The following EED variants were observed in gnomAD, a reference collection of about 807,000 sequenced individuals.
EED encodes the protein embryonic ectoderm development, also known as polycomb protein EED.
In EED, 9 loss-of-function variants were observed where a neutral mutation model predicts 61.0. That is an observed-to-expected ratio of 0.15 (90% CI 0.09 to 0.26). The LOEUF (loss-of-function observed/expected upper bound fraction) is 0.26. EED is among the 10% of genes least tolerant of loss of function. The probability of loss-of-function intolerance (pLI) is 1.00; values close to 1 mark genes in which losing one functional copy is unlikely to be tolerated. For missense variants in EED, 315 were observed against 542.3 expected, an observed-to-expected ratio of 0.58 and a Z score of 4.16; for synonymous variants, 187 against 174.4, an observed-to-expected ratio of 1.07 and a Z score of -0.57.
At chr11:86,279,029 CAGTT>C (rs1051388577), downstream of EED, among the ~76,000 whole-genome samples, 11 of 152,242 alleles carry the variant, frequency 7.2e-5, no homozygotes, top group South Asian at 2.1e-4. Context: ...ATGTGTGAGA[CAGTT>C]AGAACAGTAT....
Position 86,266,148 on chromosome 11 carries a change from G to A in EED, c.792G>A (p.Arg264=). ...CGMDHSLKLW[R]INSKRMMNAI... ...TGGATCATTCTCTTAAACTTTGGAG[G>A]ATCAATTCAAAGAGAATGATGAATG... The change falls in exon 8 of 12, where the codon AGG becomes AGA. Residue 264 remains arginine, a synonymous_variant. Coordinates refer to ENST00000263360, the MANE Select transcript of EED (RefSeq NM_003797.5). 1 of 1,603,916 alleles carries A rather than the reference G, an allele frequency of 6.2e-7. No individual in the cohort carries two copies. The highest frequency in any genetic ancestry group is 2.2e-5 in the East Asian group (1 of 44,506).
chr11:86,255,403 T>C, intron 4 of EED, 116 bp downstream of exon 4: 1 of 794,648 alleles, frequency 1.3e-6, no homozygotes. Context: ...CTTAACCGAT[T>C]TCTTCACTAT....
intron 9 of EED, among the ~76,000 whole-genome samples, chr11:86,269,663 CAATAT>C (rs1946065054): frequency 6.6e-6 from 1 of 152,244 alleles, no homozygotes; most frequent in Non-Finnish European, 1.5e-5. Flanking sequence ...AACTGTAATA[CAATAT>C]CAAATCCAGA....
intron 6 of EED, among the ~76,000 whole-genome samples, chr11:86,263,534 T>C (rs989512623): frequency 6.6e-6 from 1 of 152,230 alleles, no homozygotes; most frequent in African/African-American, 2.4e-5. Flanking sequence ...TTTCTATTGC[T>C]CAGGCTTCAC....
chr11:86,248,559 C>A (rs1179107314), intron 1 of EED, among the ~76,000 whole-genome samples: 2 of 151,950 alleles, frequency 1.3e-5, no homozygotes, highest in African/African-American at 4.8e-5. Context: ...AATGGTTAAC[C>A]CGCAAAATCA....
At chr11:86,266,360 A>G in intron 8 of EED, 144 bp downstream of exon 8, 1 of 644,192 alleles carries the variant, frequency 1.6e-6, no homozygotes, top group Non-Finnish European at 2.4e-6. Flanking sequence ...CATACTGTAA[A>G]ATTCACCCCT....
downstream of EED, among the ~76,000 whole-genome samples, chr11:86,282,184 T>G (rs1470326257): frequency 6.6e-6 from 1 of 152,212 alleles, no homozygotes; most frequent in Non-Finnish European, 1.5e-5. Flanking sequence ...AAAATATCAA[T>G]ACCATGCTCA....
chr11:86,284,887 G>A, the EED span, among the ~76,000 whole-genome samples: 6 of 152,208 alleles, frequency 3.9e-5, 1 homozygote, highest in East Asian at 3.9e-4. Context: ...TGAGGTGGGC[G>A]GATCATCTGA....
intron 11 of EED, 31 bp from the exon 12 acceptor site, chr11:86,278,367 GT>G: frequency 6.2e-7 from 1 of 1,607,068 alleles, no homozygotes; most frequent in Non-Finnish European, 8.5e-7. Flanking sequence ...GTTATGTGTG[GT>G]CTTTAACCTG....
Position 86,260,511 on chromosome 11 carries a change from G to A in EED, c.634+2915G>A, listed in dbSNP as rs1039849905. ...CCCAAAGTGCTGGGATTACAGGTGTGAGCTACTGCTGTACATTCTTTATTA... is the reference window on the plus strand; with the variant it reads ...CCCAAAGTGCTGGGATTACAGGTGTAAGCTACTGCTGTACATTCTTTATTA... On this transcript the variant is annotated intron_variant, in intron 6 of 11. Transcript: ENST00000263360. Among the ~76,000 whole-genome samples the A allele has an allele frequency of 3.6e-5, 3 of 83,392 alleles. No homozygotes were observed. In the East Asian group the frequency reaches 1.0e-3, roughly 29 times the overall value. 54.7% of individuals were successfully genotyped at this position (83,392 alleles called of 152,430 possible). A position where few individuals can be genotyped will look rare whatever the true frequency, so the allele number is the denominator to read the frequency against.
intron 9 of EED, chr11:86,276,476 C>T (rs1946232938): frequency 6.6e-6 from 1 of 152,164 alleles, no homozygotes; most frequent in African/African-American, 2.4e-5. Flanking sequence ...TACTGTGTGG[C>T]ACAGATACTG....
intron 9 of EED, among the ~76,000 whole-genome samples, chr11:86,271,057 G>C (rs898800912): frequency 2.6e-5 from 4 of 151,806 alleles, no homozygotes; most frequent in African/African-American, 9.7e-5. Flanking sequence ...TAAAAATCTT[G>C]CTGGGAGTTG....
chr11:86,278,787 A>G lies in EED; in HGVS notation c.*262A>G. 3.1e-6 allele frequency: 1 copy of G among 320,384 alleles called. No homozygotes were observed. The highest frequency in any genetic ancestry group is 5.6e-6 in the Non-Finnish European group (1 of 179,230). The allele number at this position is 320,384 out of a possible 1,614,324, so 19.8% of individuals were successfully genotyped here. The stretch of plus-strand genomic sequence containing the variant: ...TTGTGGTGAAAAAAAGTTAAAAGTA[A>G]TAAAATTATGCCTTATCTTTTTATA... On this transcript the variant is annotated 3_prime_UTR_variant, in exon 12 of 12. Transcript: ENST00000263360.
At chr11:86,253,126 A>G (rs1945577396) in intron 3 of EED, among the ~76,000 whole-genome samples, 1 of 152,170 alleles carries the variant, frequency 6.6e-6, no homozygotes, top group African/African-American at 2.4e-5. Context: ...GAAACTCTAA[A>G]TATTTTTAAG....
downstream of EED, among the ~76,000 whole-genome samples, chr11:86,281,935 T>C (rs937218331): frequency 1.3e-5 from 2 of 152,258 alleles, no homozygotes; most frequent in African/African-American, 4.8e-5. Flanking sequence ...ATGTTGAGTA[T>C]TATGTTTCCG....
intron 3 of EED, 21 bp from the exon 4 acceptor site, chr11:86,255,201 C>A: frequency 1.3e-6 from 2 of 1,576,002 alleles, no homozygotes; most frequent in Non-Finnish European, 1.7e-6. Flanking sequence ...ATGAAATTTA[C>A]TGTATTTTTA....
chr11:86,282,195 C>T (rs114625849), downstream of EED, among the ~76,000 whole-genome samples: 237 of 152,224 alleles, frequency 1.6e-3, no homozygotes, highest in African/African-American at 5.5e-3. Flanking sequence ...ACCATGCTCA[C>T]CCTTTAAAAA....
At chr11:86,287,305 C>T in the EED span, among the ~76,000 whole-genome samples, 2 of 152,200 alleles carry the variant, frequency 1.3e-5, no homozygotes, top group Non-Finnish European at 2.9e-5. Flanking sequence ...CCAGAGACCA[C>T]AGTCTGTAAC....
In EED at chr11:86,262,556, T is replaced by A. The variant is rs995586081; in HGVS notation, c.635-1616T>A. Among the ~76,000 whole-genome samples the A allele has an allele frequency of 1.4e-4, 21 of 152,052 alleles. 1 individual carries two copies. The highest frequency in any genetic ancestry group is 4.6e-4 in the African/African-American group (19 of 41,398). On this transcript the variant is annotated intron_variant, in intron 6 of 11. Coordinates refer to ENST00000263360, the MANE Select transcript of EED (RefSeq NM_003797.5). ...TGCTCCCTCACACCCTCTCCTTCCCTTTTGCTGTGAGACGATTCAGCATGA... is the reference window on the plus strand; with the variant it reads ...TGCTCCCTCACACCCTCTCCTTCCCATTTGCTGTGAGACGATTCAGCATGA...
Sources: gnomAD v4.1 joint callset for allele counts (sites outside exome capture counted in the v4.1 genomes callset) on GRCh38, gnomAD v4.1.1 for gene constraint, MANE v1.5 for transcripts, NCBI Gene and HGNC (gene_info 2026-07-23, HGNC 2026-07-21) for gene names.